The following MCTP1 variants were observed in gnomAD, a reference collection of about 807,000 sequenced individuals.
MCTP1 encodes multiple C2 and transmembrane domain containing 1, also known as multiple C2 and transmembrane domain-containing protein 1.
Under a neutral mutation model 120.6 loss-of-function variants are expected in MCTP1, and 69 were observed. The ratio of observed to expected loss-of-function variants is 0.57; its 90% CI spans 0.47 to 0.70. The LOEUF (loss-of-function observed/expected upper bound fraction) is 0.70. Ranked by LOEUF, MCTP1 falls within the 30% of genes least tolerant of loss-of-function variation. The pLI, the probability that MCTP1 is intolerant of heterozygous loss-of-function variation, is 0.00. For synonymous variants in MCTP1, 529 were observed against 493.1 expected (o/e 1.07, Z -0.96); for missense variants, 1,203 against 1,248.8 (o/e 0.96, Z 0.55).
intron 18 of MCTP1, among the ~76,000 whole-genome samples, chr5:94,791,112 C>CAAAAAAAA (rs60394333): frequency 1.0e-4 from 10 of 99,642 alleles, no homozygotes; most frequent in Admixed American, 1.3e-4. Flanking sequence ...GTCTCTACTA[C>CAAAAAAAA]AAAAAAAAAA....
chr5:95,284,507 C>T lies in MCTP1; in HGVS notation c.69G>A (p.Arg23=). Residue 23 remains arginine, a synonymous_variant, in exon 1 of 23, where the codon CGG becomes CGA. Coordinates refer to ENST00000515393, the MANE Select transcript of MCTP1 (RefSeq NM_024717.7). This position sits in a 1 kb window ranked among gnomAD's most constrained non-coding sequence, Gnocchi z 5.2. ...PPAASSSFQA[R]LWKNLQLGVG... ...CCCCCAGCTGCAGGTTCTTCCAGAGCCGGGCCTGGAAGGAGGAGGACGCCG... is the reference window on the plus strand; with the variant it reads ...CCCCCAGCTGCAGGTTCTTCCAGAGTCGGGCCTGGAAGGAGGAGGACGCCG... 6.6e-7 allele frequency: 1 copy of T among 1,508,804 alleles called. No homozygotes were observed. The highest frequency in any genetic ancestry group is 8.8e-7 in the Non-Finnish European group (1 of 1,137,034). The allele number at this position is 1,508,804 out of a possible 1,614,324, so 93.5% of individuals were successfully genotyped here.
intron 1 of MCTP1, among the ~76,000 whole-genome samples, chr5:95,069,139 C>T (rs771336370): frequency 6.6e-6 from 1 of 152,136 alleles, no homozygotes; most frequent in Non-Finnish European, 1.5e-5. Flanking sequence ...TATTTTTCTC[C>T]TCACCCACTA....
intron 1 of MCTP1, among the ~76,000 whole-genome samples, chr5:95,053,285 T>C (rs1249396974): frequency 6.6e-6 from 1 of 152,200 alleles, no homozygotes; most frequent in Non-Finnish European, 1.5e-5. Flanking sequence ...AGCTGCTCAG[T>C]CCTATAAAAT....
intron 1 of MCTP1, among the ~76,000 whole-genome samples, chr5:95,199,108 C>T (rs1750714898): frequency 6.6e-6 from 1 of 152,094 alleles, no homozygotes; most frequent in Non-Finnish European, 1.5e-5. Context: ...GGACAGCTTC[C>T]TAAGCTTTCA....
intron 19 of MCTP1, among the ~76,000 whole-genome samples, chr5:94,765,674 C>T (rs1381728539): frequency 7.0e-6 from 1 of 142,306 alleles, no homozygotes; most frequent in African/African-American, 2.6e-5. Flanking sequence ...GCACTCCAGC[C>T]TGGGCAACAA....
chr5:94,866,231 A>C (rs565823844), intron 17 of MCTP1, among the ~76,000 whole-genome samples: 4 of 151,856 alleles, frequency 2.6e-5, no homozygotes, highest in Admixed American at 2.0e-4. Flanking sequence ...TCTGTCAGCT[A>C]TTTATACTGG....
chr5:94,759,405 G>A (rs770897388), intron 19 of MCTP1, among the ~76,000 whole-genome samples: 15 of 152,048 alleles, frequency 9.9e-5, no homozygotes, highest in African/African-American at 2.4e-4. Context: ...TTATTTAAAC[G>A]TTTAATGTAG....
At chr5:95,038,419 T>G (rs867254067) in intron 1 of MCTP1, among the ~76,000 whole-genome samples, 6 of 152,158 alleles carry the variant, frequency 3.9e-5, no homozygotes, top group African/African-American at 1.4e-4. Context: ...CATAAATAAG[T>G]AAACAGGGGA....
At chr5:94,770,636 C>T (rs973796943) in intron 19 of MCTP1, among the ~76,000 whole-genome samples, 1 of 152,200 alleles carries the variant, frequency 6.6e-6, no homozygotes, top group African/African-American at 2.4e-5. Context: ...TGGAGAGGTG[C>T]TTCTGCAAAG....
At chr5:95,248,432 G>A (rs1453098681) in intron 1 of MCTP1, among the ~76,000 whole-genome samples, 1 of 152,056 alleles carries the variant, frequency 6.6e-6, no homozygotes, top group Non-Finnish European at 1.5e-5. Context: ...ACTACAAAGA[G>A]AATAAAATAC....
intron 1 of MCTP1, among the ~76,000 whole-genome samples, chr5:95,252,178 G>C (rs1757445858): frequency 6.6e-6 from 1 of 152,108 alleles, no homozygotes; most frequent in Non-Finnish European, 1.5e-5. Flanking sequence ...GTCATGCACA[G>C]TTCATCCTAA....
At chr5:94,766,611 A>G (rs1580564097) in intron 19 of MCTP1, among the ~76,000 whole-genome samples, 1 of 152,190 alleles carries the variant, frequency 6.6e-6, no homozygotes, top group East Asian at 1.9e-4. Context: ...AACATGGCAC[A>G]TGTATGATAT....
chr5:94,720,138 TAAATAAAAATA>T (rs1303265029), intron 19 of MCTP1, among the ~76,000 whole-genome samples: 1 of 149,492 alleles, frequency 6.7e-6, no homozygotes, highest in Non-Finnish European at 1.5e-5. Flanking sequence ...AAAAAATAAA[TAAATAAAAATA>T]AAATAAAAAT....
At chr5:95,005,733 C>A (rs1834584136) in intron 2 of MCTP1, among the ~76,000 whole-genome samples, 1 of 151,166 alleles carries the variant, frequency 6.6e-6, no homozygotes, top group Non-Finnish European at 1.5e-5. Context: ...GTATAGCCTG[C>A]AGAACCATGA....
chr5:94,778,889 T>C (rs255372), intron 19 of MCTP1, among the ~76,000 whole-genome samples: 148,623 of 152,280 alleles, frequency 0.98, 72,600 homozygotes, highest in African/African-American at 0.99. Context: ...TTGTTTGTTC[T>C]TGGCAGAAAA....
intron 1 of MCTP1, among the ~76,000 whole-genome samples, chr5:95,250,966 C>A (rs1412279593): frequency 1.3e-5 from 2 of 152,112 alleles, no homozygotes; most frequent in Admixed American, 6.6e-5. Flanking sequence ...CTAATTCATG[C>A]ATCCTTATTG....
chr5:95,063,822 T>A (rs1187957449), intron 1 of MCTP1, among the ~76,000 whole-genome samples: 1 of 47,432 alleles, frequency 2.1e-5, no homozygotes, highest in African/African-American at 3.9e-5. Flanking sequence ...GGTCATTTTT[T>A]ATATTTTTTA....
At chr5:95,004,839 G>A (rs1450763904) in intron 2 of MCTP1, among the ~76,000 whole-genome samples, 1 of 152,246 alleles carries the variant, frequency 6.6e-6, no homozygotes, top group African/African-American at 2.4e-5. Flanking sequence ...AGGGCAGAGA[G>A]AAAATATGAG....
chr5:95,095,005 G>GTTTT (rs1562138448), intron 1 of MCTP1, among the ~76,000 whole-genome samples: 1 of 79,540 alleles, frequency 1.3e-5, no homozygotes, highest in East Asian at 4.0e-4. Context: ...TGTTATGTTA[G>GTTTT]ATTTTTTTTT....
Sources: allele counts gnomAD v4.1 joint callset (sites outside exome capture counted in the v4.1 genomes callset), GRCh38; gene constraint gnomAD v4.1.1; non-coding constraint Gnocchi (gnomAD v3.1); transcripts MANE v1.5; gene names NCBI Gene and HGNC (gene_info 2026-07-23, HGNC 2026-07-21).